The following SNRPN variants were observed in gnomAD, a reference collection of about 807,000 sequenced individuals.
SNRPN encodes the protein small nuclear ribonucleoprotein-associated protein N.
A neutral mutation model predicts 25.2 loss-of-function variants in SNRPN; 7 were observed. The ratio of observed to expected loss-of-function variants is 0.28; its 90% CI spans 0.16 to 0.52. The LOEUF is 0.52. Ranked by LOEUF, SNRPN falls within the 20% of genes least tolerant of loss-of-function variation. The pLI is 0.96. For synonymous variants in SNRPN, 124 were observed against 110.6 expected, an observed-to-expected ratio of 1.12 and a Z score of -0.76; for missense variants, 196 against 322.5, an observed-to-expected ratio of 0.61 and a Z score of 3.00.
chr15:24,874,015 GA>G (rs143345528), intron 1 of SNRPN, among the ~76,000 whole-genome samples: 5,631 of 127,124 alleles, frequency 0.044, 155 homozygotes, highest in Non-Finnish European at 0.063. Context: ...TTCATCTTCA[GA>G]AAAAAAAAAA....
At chr15:24,915,968 C>CTTTTTT (rs35835568) in intron 2 of SNRPN, among the ~76,000 whole-genome samples, 9 of 97,378 alleles carry the variant, frequency 9.2e-5, no homozygotes, top group South Asian at 3.9e-4. Flanking sequence ...GCCAGGTTGA[C>CTTTTTT]TTTTTTTTTT....
At chr15:24,920,117 T>C (rs1419002679) in exon 3 of SNRPN, 1 of 152,150 alleles carries the variant, frequency 6.6e-6, no homozygotes, top group Non-Finnish European at 1.5e-5. Context: ...GAATCTACTT[T>C]CTCTTATGTA....
intron 3 of SNRPN, among the ~76,000 whole-genome samples, chr15:24,949,765 C>T (rs2062122977): frequency 6.6e-6 from 1 of 152,106 alleles, no homozygotes; most frequent in African/African-American, 2.4e-5. Flanking sequence ...ACACTCCATT[C>T]CTTTTTATAG....
chr15:24,918,511 AAT>A (rs1312423475), intron 2 of SNRPN, among the ~76,000 whole-genome samples: 6,926 of 112,450 alleles, frequency 0.062, 622 homozygotes, highest in South Asian at 0.13. Flanking sequence ...TATATAACAT[AAT>A]ATATATATGT....
intron 2 of SNRPN, among the ~76,000 whole-genome samples, chr15:24,964,625 C>T (rs373034648): frequency 3.3e-5 from 5 of 152,006 alleles, no homozygotes; most frequent in East Asian, 3.9e-4. Flanking sequence ...GCAGCTCTGA[C>T]GTTTTTTTAA....
intron 2 of SNRPN, among the ~76,000 whole-genome samples, chr15:24,836,354 G>T (rs1375099189): frequency 6.6e-6 from 1 of 152,092 alleles, no homozygotes; most frequent in Non-Finnish European, 1.5e-5. Context: ...TTCACCTGCT[G>T]CAAGGTTCGT....
At chr15:24,854,934 G>A (rs2053245179), upstream of SNRPN, among the ~76,000 whole-genome samples, 1 of 151,718 alleles carries the variant, frequency 6.6e-6, no homozygotes, top group African/African-American at 2.4e-5. Flanking sequence ...AACTTGGGAA[G>A]CAGAGGTTGC....
chr15:24,903,722 G>A (rs1328665005), intron 2 of SNRPN, among the ~76,000 whole-genome samples: 1 of 152,156 alleles, frequency 6.6e-6, no homozygotes, highest in African/African-American at 2.4e-5. Flanking sequence ...GGGAGAGATA[G>A]TCCCAGAAAG....
rs1239604256 is a variant in SNRPN at position 24,829,316 on chromosome 15, G to A, written c.-686-482G>A. On this transcript the variant is annotated intron_variant, in intron 1 of 12. Transcript: ENST00000400100. Reference sequence around the variant, plus strand: ...TCAGGCCTGGACTGGGTGGGCAAGGGAGGCCTCCAGGAGGAGGAGCTTTGG... The same window carrying A: ...TCAGGCCTGGACTGGGTGGGCAAGGAAGGCCTCCAGGAGGAGGAGCTTTGG... Among the ~76,000 whole-genome samples the A allele has an allele frequency of 3.3e-5, 5 of 152,210 alleles. No homozygotes were observed. The South Asian group carries it at 6.2e-4, about 19-fold the overall frequency.
intron 2 of SNRPN, among the ~76,000 whole-genome samples, chr15:24,845,100 G>A (rs558809814): frequency 8.5e-5 from 13 of 152,120 alleles, no homozygotes; most frequent in South Asian, 6.2e-4. Flanking sequence ...TTGAATTTCC[G>A]TGGCACATGA....
chr15:24,967,416 G>T (rs1294665128), intron 2 of SNRPN, among the ~76,000 whole-genome samples: 1 of 151,966 alleles, frequency 6.6e-6, no homozygotes, highest in Admixed American at 6.6e-5. Flanking sequence ...AAAGTGGGTG[G>T]ATCACCTGAG....
intron 2 of SNRPN, among the ~76,000 whole-genome samples, chr15:24,892,641 G>C (rs1373464982): frequency 7.6e-6 from 1 of 132,406 alleles, no homozygotes; most frequent in Non-Finnish European, 1.6e-5. Context: ...GGAGGCTGAG[G>C]CAGGAGAATC....
At chr15:24,844,146 G>GTA (rs1282590516) in intron 2 of SNRPN, among the ~76,000 whole-genome samples, 5 of 151,916 alleles carry the variant, frequency 3.3e-5, no homozygotes, top group African/African-American at 1.2e-4. Flanking sequence ...GTGTGTGTGT[G>GTA]TGTGTTTGTG....
intron 1 of SNRPN, among the ~76,000 whole-genome samples, chr15:24,957,121 C>T (rs1035126703): frequency 5.3e-5 from 8 of 152,150 alleles, no homozygotes; most frequent in African/African-American, 1.9e-4. Flanking sequence ...GATTTCCATT[C>T]GACACATTTA....
At chr15:24,916,744 C>T (rs56153033) in intron 2 of SNRPN, among the ~76,000 whole-genome samples, 14 of 152,094 alleles carry the variant, frequency 9.2e-5, no homozygotes, top group Admixed American at 6.6e-4. Context: ...GAATTGTGTA[C>T]GGAGTTGGTT....
At chr15:24,951,480 AT>A (rs1336101925), upstream of SNRPN, among the ~76,000 whole-genome samples, 11 of 150,936 alleles carry the variant, frequency 7.3e-5, no homozygotes, top group East Asian at 5.8e-4. Context: ...TTAAAAAAAA[AT>A]GTTTTTGTCC....
Position 24,847,500 on chromosome 15 carries a change from C to G in SNRPN, c.-579+17595C>G, listed in dbSNP as rs902132122. 2.0e-5 allele frequency among the ~76,000 whole-genome samples: 3 copies of G among 152,004 alleles called. No individual in the cohort carries two copies. In the South Asian group the frequency reaches 6.2e-4, roughly 32 times the overall value. On this transcript the variant is annotated intron_variant, in intron 2 of 12. Transcript: ENST00000400100. The stretch of plus-strand genomic sequence containing the variant: ...TACTAAAAATACAAAAATTAGTGGG[C>G]ATGGTGGCGGGTGCCTGTAATCCCA...
chr15:24,827,378 G>A (rs1030177493), intron 1 of SNRPN, among the ~76,000 whole-genome samples: 5 of 151,532 alleles, frequency 3.3e-5, no homozygotes, highest in Admixed American at 1.3e-4. Context: ...AGTCGGGTGC[G>A]GTGGCGGGCG....
intron 2 of SNRPN, among the ~76,000 whole-genome samples, chr15:24,912,811 G>A (rs1209578065): frequency 6.6e-6 from 1 of 152,176 alleles, no homozygotes; most frequent in African/African-American, 2.4e-5. Flanking sequence ...GCAGCAACAA[G>A]ACATCATCTT....
Sources: gnomAD v4.1 joint callset for allele counts (sites outside exome capture counted in the v4.1 genomes callset) on GRCh38, gnomAD v4.1.1 for gene constraint, MANE v1.5 for transcripts, NCBI Gene and HGNC (gene_info 2026-07-23, HGNC 2026-07-21) for gene names.